Variants in ERI3 observed in about 807,000 individuals in gnomAD.
The protein encoded by ERI3 is ERI1 exoribonuclease 3.
Under a neutral mutation model 44.4 loss-of-function variants are expected in ERI3, and 18 were observed. The observed-to-expected ratio is 0.41, with a 90% CI of 0.28 to 0.60. The LOEUF (loss-of-function observed/expected upper bound fraction) is 0.60. Among genes scored for constraint, ERI3 ranks in the 20% least tolerant of loss-of-function variants. The pLI is 0.36. For missense variants in ERI3, 294 were observed against 435.5 expected, an observed-to-expected ratio of 0.68 and a Z score of 2.89; for synonymous variants, 183 against 164.8, an observed-to-expected ratio of 1.11 and a Z score of -0.84.
intron 7 of ERI3, among the ~76,000 whole-genome samples, chr1:44,248,729 T>C (rs963460521): frequency 9.4e-6 from 1 of 106,454 alleles, no homozygotes; most frequent in Non-Finnish European, 1.9e-5. Flanking sequence ...GTGTGTGTGG[T>C]AGGGGGAGCA....
intron 7 of ERI3, among the ~76,000 whole-genome samples, chr1:44,261,101 C>T (rs1303856820): frequency 6.6e-6 from 1 of 152,252 alleles, no homozygotes; most frequent in Non-Finnish European, 1.5e-5. Flanking sequence ...CCTCTGCCCA[C>T]AGTCCTTTGA....
At position 44,319,639 on chromosome 1, in the gene ERI3, A is replaced by T; in HGVS notation, c.595T>A (p.Phe199Ile). ...QPVVHPQLTP[F>I]CTELTGIIQA... ...TCCAGGGCCCTTACCTCTGTACAGAATGGGGTAAGCTGTGGATGGACTACA... is the reference window on the plus strand; with the variant it reads ...TCCAGGGCCCTTACCTCTGTACAGATTGGGGTAAGCTGTGGATGGACTACA... Residue 199 changes from phenylalanine (F) to isoleucine (I), a missense_variant, in exon 4 of 9, where the codon TTC becomes ATC. Around this residue, in one of 2 missense-constraint regions of ERI3, gnomAD observed 187 missense variants for 338.6 expected, o/e 0.55. Transcript: ENST00000372257. The T allele has an allele frequency of 6.2e-7, 1 of 1,611,986 alleles. No individual in the cohort carries two copies. Among genetic ancestry groups the T allele is most frequent in the Non-Finnish European group, 8.5e-7 (1 of 1,178,062 alleles).
chr1:44,247,537 T>C (rs1201536235), intron 8 of ERI3, among the ~76,000 whole-genome samples: 13 of 152,298 alleles, frequency 8.5e-5, no homozygotes, highest in East Asian at 3.9e-4. Context: ...TTAACTCCCA[T>C]TGATCGTCCA....
intron 3 of ERI3, among the ~76,000 whole-genome samples, chr1:44,329,891 CAA>C (rs1181393060): frequency 1.3e-5 from 2 of 152,152 alleles, no homozygotes; most frequent in Admixed American, 1.3e-4. Flanking sequence ...CACTAGTCTC[CAA>C]AAGAGTTATG....
chr1:44,300,404 G>A (rs1340581503), intron 6 of ERI3, among the ~76,000 whole-genome samples: 2 of 152,162 alleles, frequency 1.3e-5, no homozygotes, highest in East Asian at 3.9e-4. Context: ...AAATGCCAGA[G>A]GCCCTGTCTG....
chr1:44,299,699 G>T (rs1332471479), intron 6 of ERI3, among the ~76,000 whole-genome samples: 2 of 152,152 alleles, frequency 1.3e-5, no homozygotes, highest in African/African-American at 4.8e-5. Context: ...GGTGAGAAAT[G>T]TTCAAAATAC....
chr1:44,310,811 G>A (rs1328244016), intron 5 of ERI3, among the ~76,000 whole-genome samples: 5 of 152,074 alleles, frequency 3.3e-5, no homozygotes, highest in Non-Finnish European at 7.4e-5. Flanking sequence ...TGCAGACCAT[G>A]TGGTCTCTAA....
At chr1:44,301,471 T>G (rs887118679) in intron 6 of ERI3, among the ~76,000 whole-genome samples, 1 of 152,192 alleles carries the variant, frequency 6.6e-6, no homozygotes, top group Non-Finnish European at 1.5e-5. Flanking sequence ...CCTCATTCCT[T>G]ACCTCAGAGA....
At chr1:44,353,571 C>A (rs888929689) in intron 1 of ERI3, 2 of 985,328 alleles carry the variant, frequency 2.0e-6, no homozygotes, top group African/African-American at 1.7e-5. Flanking sequence ...CCATTCCACA[C>A]ATTTAAGACT....
At position 44,221,521 on chromosome 1, in the gene ERI3, C is replaced by T; in HGVS notation, c.*37G>A. 2 of 1,571,890 alleles carry T rather than the reference C, an allele frequency of 1.3e-6. No homozygotes were observed. The highest frequency in any genetic ancestry group is 1.8e-6 in the Non-Finnish European group (2 of 1,141,936). On this transcript the variant is annotated 3_prime_UTR_variant, in exon 9 of 9. Coordinates refer to ENST00000372257, the MANE Select transcript of ERI3 (RefSeq NM_024066.3). This position sits in a 1 kb window ranked among gnomAD's most constrained non-coding sequence, Gnocchi z 5.9. ...GAGGAGGATTCTGGGCTGGGCCAAA[C>T]AGCTACCCTGTCCTGCCCCATCCTG... is the stretch of plus-strand genomic sequence containing the variant.
At position 44,221,304 on chromosome 1, in the gene ERI3, A is replaced by C; in HGVS notation, c.*254T>G. The C allele has an allele frequency of 9.9e-6, 5 of 502,524 alleles. No homozygotes were observed. The highest frequency in any genetic ancestry group is 1.1e-5 in the Non-Finnish European group (3 of 278,526). The allele number at this position is 502,524 out of a possible 1,614,324, so 31.1% of individuals were successfully genotyped here. On this transcript the variant is annotated 3_prime_UTR_variant, in exon 9 of 9. Transcript: ENST00000372257. The surrounding 1 kb of genome is among the most constrained non-coding windows in gnomAD (Gnocchi z 5.9). Reference sequence around the variant, plus strand: ...TGGGTCCCCCTAGCCCAGGCCCGCAATGGGAGGGGCTGATACTGGGCTGAG... The same window carrying C: ...TGGGTCCCCCTAGCCCAGGCCCGCACTGGGAGGGGCTGATACTGGGCTGAG...
chr1:44,289,302 C>T (rs1645456717), intron 6 of ERI3, among the ~76,000 whole-genome samples: 1 of 152,174 alleles, frequency 6.6e-6, no homozygotes, highest in Non-Finnish European at 1.5e-5. Context: ...GACATGATTG[C>T]TTTCCAAAGA....
At chr1:44,237,673 G>A (rs924730600) in intron 8 of ERI3, among the ~76,000 whole-genome samples, 5 of 152,176 alleles carry the variant, frequency 3.3e-5, no homozygotes, top group African/African-American at 1.2e-4. Flanking sequence ...AAAGGCACCT[G>A]GTTTATGAAC....
At chr1:44,297,521 G>A (rs1645635304) in intron 6 of ERI3, among the ~76,000 whole-genome samples, 1 of 152,022 alleles carries the variant, frequency 6.6e-6, no homozygotes, top group Non-Finnish European at 1.5e-5. Context: ...ATGATGGCAG[G>A]GCATCTTTGC....
rs2154332853 is a variant in ERI3, at chr1:44,355,180, T to C, written c.-154A>G. On this transcript the variant is annotated 5_prime_UTR_variant, in exon 1 of 9. Transcript: ENST00000372257. Reference sequence around the variant, plus strand: ...CCGGCCAGGCAGAGGCAGGGCCAGCTCCGCCCGCTCCCCACCGCCCGTTCC... The same window carrying C: ...CCGGCCAGGCAGAGGCAGGGCCAGCCCCGCCCGCTCCCCACCGCCCGTTCC... 1.7e-6 allele frequency: 2 copies of C among 1,199,892 alleles called. No homozygotes were observed. The highest frequency in any genetic ancestry group is 7.0e-5 in the East Asian group (2 of 28,700). 74.3% of individuals were successfully genotyped at this position (1,199,892 alleles called of 1,614,324 possible). A position where few individuals can be genotyped will look rare whatever the true frequency, so the allele number is the denominator to read the frequency against.
At chr1:44,269,754 G>A (rs551621863) in intron 7 of ERI3, among the ~76,000 whole-genome samples, 11 of 152,292 alleles carry the variant, frequency 7.2e-5, no homozygotes, top group East Asian at 1.9e-4. Flanking sequence ...TATCTGCTAT[G>A]GGCCAAGTGA....
At chr1:44,338,897 C>T (rs1646589597) in intron 3 of ERI3, 148 bp downstream of exon 3, 2 of 985,800 alleles carry the variant, frequency 2.0e-6, no homozygotes, top group Non-Finnish European at 3.1e-6. Context: ...ATACCTGAAA[C>T]AAGTCCTGCT....
At chr1:44,229,216 A>C (rs1359810759) in intron 8 of ERI3, among the ~76,000 whole-genome samples, 1 of 152,180 alleles carries the variant, frequency 6.6e-6, no homozygotes, top group African/African-American at 2.4e-5. Context: ...AAAGCAGGCA[A>C]GAACGGTGGC....
At chr1:44,298,125 A>G (rs1037825720) in intron 6 of ERI3, among the ~76,000 whole-genome samples, 21 of 152,258 alleles carry the variant, frequency 1.4e-4, no homozygotes, top group African/African-American at 4.8e-4. Context: ...CCATGAAGGC[A>G]GGATGTCTGG....
Sources: allele counts gnomAD v4.1 joint callset (sites outside exome capture counted in the v4.1 genomes callset), GRCh38; gene constraint gnomAD v4.1.1; regional missense constraint gnomAD v4.1.1; non-coding constraint Gnocchi (gnomAD v3.1); transcripts MANE v1.5; gene names NCBI Gene and HGNC (gene_info 2026-07-23, HGNC 2026-07-21).